NEK1: variants seen among roughly 807,000 people sequenced by gnomAD.
NEK1 encodes the protein serine/threonine-protein kinase Nek1.
A neutral mutation model predicts 182.1 loss-of-function variants in NEK1; 137 were observed. The observed-to-expected ratio is 0.75, with a 90% CI of 0.65 to 0.87. NEK1 has a LOEUF of 0.87. Ranked by LOEUF, NEK1 falls within the 40% of genes least tolerant of loss-of-function variation. NEK1 has a pLI of 0.00. For synonymous variants in NEK1, 513 were observed against 492.2 expected (o/e 1.04, Z -0.56); for missense variants, 1,391 against 1,494.4 (o/e 0.93, Z 1.14).
chr4:169,538,139 C>T (rs955848165), intron 18 of NEK1, among the ~76,000 whole-genome samples: 12 of 152,028 alleles, frequency 7.9e-5, no homozygotes, highest in African/African-American at 2.7e-4. Context: ...TAAGTCTTCA[C>T]AAGATAGTTT....
At chr4:169,477,639 C>G in intron 24 of NEK1, 142 bp from the exon 25 acceptor site, 1 of 610,608 alleles carries the variant, frequency 1.6e-6, no homozygotes, top group East Asian at 2.9e-5. Context: ...GTTAACAAAG[C>G]TTCCTTCATT....
intron 31 of NEK1, among the ~76,000 whole-genome samples, chr4:169,418,355 GGAATATA>G (rs1734887678): frequency 1.3e-5 from 2 of 152,052 alleles, no homozygotes; most frequent in African/African-American, 4.8e-5. Flanking sequence ...CAGAGACCTA[GGAATATA>G]ATATTCACAA....
At chr4:169,444,986 A>G (rs999902174) in intron 27 of NEK1, among the ~76,000 whole-genome samples, 6 of 152,214 alleles carry the variant, frequency 3.9e-5, no homozygotes, top group Non-Finnish European at 7.4e-5. Flanking sequence ...TTTAAGCAAC[A>G]TGCTCCTGAG....
chr4:169,478,912 G>C (rs1747471469), intron 24 of NEK1, among the ~76,000 whole-genome samples: 1 of 152,144 alleles, frequency 6.6e-6, no homozygotes, highest in Non-Finnish European at 1.5e-5. Flanking sequence ...GGGCATGACA[G>C]AGATTCAGAA....
rs371162702 is a variant in NEK1 at position 169,400,651 on chromosome 4, T to A, written c.3584A>T (p.Asp1195Val). The A allele has an allele frequency of 1.3e-6, 2 of 1,569,800 alleles. No individual in the cohort carries two copies. Among genetic ancestry groups the A allele is most frequent in the Non-Finnish European group, 1.7e-6 (2 of 1,157,216 alleles). ...ESALNEEWHSDNSDGEIASEC... is the reference protein window; with the variant it reads ...ESALNEEWHSVNSDGEIASEC... The stretch of plus-strand genomic sequence containing the variant: ...ACTAGCAATTTCACCATCACTGTTA[T>A]CTAAAAAACAAAATTAAAATAGAGA... Residue 1195 changes from aspartate to valine, a missense_variant and splice_region_variant, in exon 34 of 36, where the codon GAT (aspartate) becomes GTT (valine). By Grantham distance (152) the Asp-to-Val change is radical. This residue lies in a region of NEK1 where 1,216 missense variants were observed against 1,277.6 expected (regional missense o/e 0.95). Transcript: ENST00000507142.
At chr4:169,580,946 C>T in intron 10 of NEK1, 44 bp from the exon 11 acceptor site, 1 of 1,042,646 alleles carries the variant, frequency 9.6e-7, no homozygotes, top group Non-Finnish European at 1.3e-6. Flanking sequence ...GTTACATTTT[C>T]AAAATAAAAA....
chr4:169,474,561 C>T (rs58286737), intron 26 of NEK1, among the ~76,000 whole-genome samples: 1,990 of 152,284 alleles, frequency 0.013, 38 homozygotes, highest in African/African-American at 0.045. Context: ...AATGACACTG[C>T]TTTTACCAAG....
rs746679491 is a variant in NEK1, at chr4:169,401,717, GT to G, written c.3517del (p.Thr1173GlnfsTer16). The stretch of plus-strand genomic sequence containing the variant: ...ATTGTCATCTTCATCTGCCACATCT[GT>G]CCCATTTGCAGTTGGCTCCACATCA... ...NSDVEPTANG[T>X]DVADEDDNPS... is the part of the protein sequence containing the mutation. On this transcript the variant is annotated frameshift_variant, in exon 33 of 36. Coordinates refer to ENST00000507142, the MANE Select transcript of NEK1 (RefSeq NM_001199397.3). LOFTEE classifies it high-confidence loss of function. 6.2e-7 allele frequency: 1 copy of G among 1,613,934 alleles called. No individual in the cohort carries two copies. The highest frequency in any genetic ancestry group is 8.5e-7 in the Non-Finnish European group (1 of 1,179,832).
intron 11 of NEK1, among the ~76,000 whole-genome samples, chr4:169,578,408 CTAAATCAATT>C (rs1254926777): frequency 1.3e-5 from 2 of 152,094 alleles, no homozygotes; most frequent in East Asian, 3.9e-4. Context: ...TTATATTGTG[CTAAATCAATT>C]TAAATCAATC....
intron 18 of NEK1, among the ~76,000 whole-genome samples, chr4:169,546,725 C>T (rs111910453): frequency 0.28 from 42,997 of 152,022 alleles, 8,650 homozygotes; most frequent in African/African-American, 0.58. Flanking sequence ...TTTACCATTA[C>T]GCAATGCCCT....
intron 31 of NEK1, among the ~76,000 whole-genome samples, chr4:169,417,759 T>C (rs998915862): frequency 2.6e-5 from 4 of 152,154 alleles, no homozygotes; most frequent in Non-Finnish European, 4.4e-5. Flanking sequence ...ATACATGACA[T>C]TGTGTTTAGA....
chr4:169,584,725 T>C (rs1170601869), intron 10 of NEK1, among the ~76,000 whole-genome samples: 1 of 152,222 alleles, frequency 6.6e-6, no homozygotes, highest in African/African-American at 2.4e-5. Context: ...TTTATGTGTA[T>C]TATCACTTTT....
chr4:169,453,796 T>C (rs1396434124), intron 27 of NEK1, among the ~76,000 whole-genome samples: 1 of 152,160 alleles, frequency 6.6e-6, no homozygotes, highest in African/African-American at 2.4e-5. Context: ...CGTAGGTAAA[T>C]CTCTGTTCGG....
At chr4:169,505,424 G>A (rs541195107) in intron 23 of NEK1, among the ~76,000 whole-genome samples, 2 of 152,112 alleles carry the variant, frequency 1.3e-5, no homozygotes, top group East Asian at 3.9e-4. Context: ...TCTTCCTTAT[G>A]ATTTTCTTAA....
At chr4:169,395,536 G>T (rs192964009) in intron 35 of NEK1, among the ~76,000 whole-genome samples, 8 of 152,270 alleles carry the variant, frequency 5.3e-5, no homozygotes, top group African/African-American at 1.9e-4. Flanking sequence ...GACCTATCCT[G>T]TCACCATCAA....
chr4:169,413,994 G>T (rs1734097280), intron 31 of NEK1, among the ~76,000 whole-genome samples: 1 of 152,156 alleles, frequency 6.6e-6, no homozygotes, highest in African/African-American at 2.4e-5. Context: ...TGCAGCCTGG[G>T]TGACAGGGTG....
In NEK1 at chr4:169,555,806, T is replaced by G. The variant is rs1322917520; in HGVS notation, c.1476A>C (p.Ala492=). The part of the protein sequence containing the change: ...GVRPGFPYGA[A]GHHHFPDADD... ...CAGCATCAGGAAAATGGTGATGACC[T>G]GCAGCCCCATAAGGAAATCCTGGAC... The change falls in exon 18 of 36, where the codon GCA becomes GCC. Residue 492 remains alanine (A), a synonymous_variant. Coordinates refer to ENST00000507142, the MANE Select transcript of NEK1 (RefSeq NM_001199397.3). 22 of 1,613,782 alleles carry G rather than the reference T, an allele frequency of 1.4e-5. No individual in the cohort carries two copies. Among genetic ancestry groups the G allele is most frequent in the Non-Finnish European group, 1.4e-5 (17 of 1,179,820 alleles).
In NEK1 at chr4:169,537,858, T is replaced by C. The variant is rs1456779747; in HGVS notation, c.1616A>G (p.Gln539Arg). The C allele has an allele frequency of 6.2e-7, 1 of 1,611,938 alleles. No homozygotes were observed. The highest frequency in any genetic ancestry group is 2.2e-5 in the East Asian group (1 of 44,812). The change falls in exon 19 of 36, where the codon CAG becomes CGG. Residue 539 changes from glutamine (Q) to arginine (R), a missense_variant. Coordinates refer to ENST00000507142, the MANE Select transcript of NEK1 (RefSeq NM_001199397.3). ...ERAKQVEEFL[Q>R]RKREAMQNKA... The stretch of plus-strand genomic sequence containing the variant: ...ATTCTGCATAGCTTCCCGTTTTCGC[T>C]GCAGGAACTCTTCTACTTGTTTAGC...
chr4:169,521,223 A>C (rs1755955412), intron 19 of NEK1, among the ~76,000 whole-genome samples: 1 of 46,040 alleles, frequency 2.2e-5, no homozygotes, highest in African/African-American at 8.1e-5. Context: ...GCCGTTTCTT[A>C]AGCCGGTCTG....
Sources: allele counts gnomAD v4.1 joint callset (sites outside exome capture counted in the v4.1 genomes callset), GRCh38; gene constraint gnomAD v4.1.1; regional missense constraint gnomAD v4.1.1; transcripts MANE v1.5; gene names NCBI Gene and HGNC (gene_info 2026-07-23, HGNC 2026-07-21).